Variants in PALLD observed in about 807,000 individuals in gnomAD.
PALLD encodes the protein palladin, cytoskeletal associated protein.
A neutral mutation model predicts 123.5 loss-of-function variants in PALLD; 61 were observed. The ratio of observed to expected loss-of-function variants is 0.49; its 90% CI spans 0.40 to 0.61. The LOEUF (loss-of-function observed/expected upper bound fraction) is 0.61, where lower values mean the gene tolerates loss of function less well. Ranked by LOEUF, PALLD falls within the 20% of genes least tolerant of loss-of-function variation. The pLI, the probability that PALLD is intolerant of heterozygous loss-of-function variation, is 0.00. For missense variants in PALLD, 1,273 were observed against 1,377.0 expected (o/e 0.92, Z 1.20); for synonymous variants, 465 against 496.4 (o/e 0.94, Z 0.84).
In PALLD at chr4:168,538,706, G is replaced by A. The variant is rs80110600; in HGVS notation, c.908+26294G>A. Among the ~76,000 whole-genome samples, 1,454 of 152,146 alleles carry A rather than the reference G, an allele frequency of 9.6e-3. 27 individuals carry two copies. The highest frequency in any genetic ancestry group is 0.033 in the African/African-American group (1,357 of 41,482). ...AATTCCAGACCTTAGGAGAAAAAAC[G>A]TCTCCCAACTCTAAAGTCCCAGGTT... is the stretch of plus-strand genomic sequence containing the variant. On this transcript the variant is annotated intron_variant, in intron 2 of 21. Transcript: ENST00000505667.
At chr4:168,553,083 T>A (rs1049357693) in intron 2 of PALLD, among the ~76,000 whole-genome samples, 20 of 152,158 alleles carry the variant, frequency 1.3e-4, no homozygotes, top group African/African-American at 4.8e-4. Context: ...ATCTCTAGTG[T>A]CATTGGCCCA....
chr4:168,866,003 T>C (rs1750220027), intron 10 of PALLD, among the ~76,000 whole-genome samples: 1 of 151,836 alleles, frequency 6.6e-6, no homozygotes, highest in Non-Finnish European at 1.5e-5. Flanking sequence ...ATTTAGGCCA[T>C]GTGTGGTGGC....
intron 2 of PALLD, among the ~76,000 whole-genome samples, chr4:168,526,773 A>G (rs1324552135): frequency 6.6e-6 from 1 of 152,176 alleles, no homozygotes; most frequent in Non-Finnish European, 1.5e-5. Context: ...CAAATAGAGT[A>G]AGTGGATCTT....
At chr4:168,691,335 C>T in intron 8 of PALLD, 43 bp downstream of exon 8, 1 of 1,525,186 alleles carries the variant, frequency 6.6e-7, no homozygotes, top group Non-Finnish European at 9.1e-7. Flanking sequence ...GGTGGGGGAG[C>T]AGATAATGTA....
intron 2 of PALLD, among the ~76,000 whole-genome samples, chr4:168,519,518 G>GTT (rs11434777): frequency 1.7e-3 from 252 of 151,154 alleles, no homozygotes; most frequent in African/African-American, 5.1e-3. Context: ...TTTTTAAAAT[G>GTT]TTTTTTTTTG....
intron 2 of PALLD, among the ~76,000 whole-genome samples, chr4:168,638,688 T>C (rs779580799): frequency 9.2e-5 from 14 of 152,172 alleles, no homozygotes; most frequent in Non-Finnish European, 1.3e-4. Flanking sequence ...CTTGCTGTGA[T>C]CTCACGTATT....
chr4:168,569,274 C>T (rs916221107), intron 2 of PALLD, among the ~76,000 whole-genome samples: 1 of 152,118 alleles, frequency 6.6e-6, no homozygotes, highest in Admixed American at 6.6e-5. Flanking sequence ...TCCAGCCCGC[C>T]AAGTGACCAA....
chr4:168,787,125 A>G (rs1483851746), intron 10 of PALLD, among the ~76,000 whole-genome samples: 2 of 152,230 alleles, frequency 1.3e-5, no homozygotes, highest in Non-Finnish European at 2.9e-5. Flanking sequence ...ACACCTTGCC[A>G]GGAAGGTTTT....
At chr4:168,923,193 G>C (rs1056032067) in intron 18 of PALLD, among the ~76,000 whole-genome samples, 8 of 152,228 alleles carry the variant, frequency 5.3e-5, no homozygotes, top group African/African-American at 1.9e-4. Flanking sequence ...AGAATACAAA[G>C]TGAGCTTCTG....
chr4:168,614,952 A>G (rs1774080818), intron 2 of PALLD, among the ~76,000 whole-genome samples: 1 of 152,196 alleles, frequency 6.6e-6, no homozygotes, highest in African/African-American at 2.4e-5. Context: ...TGGGTATTTA[A>G]AACACAATGG....
At chr4:168,545,777 T>C (rs1403431909) in intron 2 of PALLD, among the ~76,000 whole-genome samples, 3 of 152,212 alleles carry the variant, frequency 2.0e-5, no homozygotes, top group Non-Finnish European at 4.4e-5. Context: ...AACTGAGTTT[T>C]GTAATTACAT....
At chr4:168,883,088 CAAA>C (rs34847342) in intron 10 of PALLD, among the ~76,000 whole-genome samples, 18 of 124,582 alleles carry the variant, frequency 1.4e-4, no homozygotes, top group East Asian at 2.2e-4. Context: ...AACTCTGTCT[CAAA>C]AAAAAAAAAA....
At chr4:168,633,705 T>A (rs1324555412) in intron 2 of PALLD, among the ~76,000 whole-genome samples, 1 of 152,188 alleles carries the variant, frequency 6.6e-6, no homozygotes, top group Non-Finnish European at 1.5e-5. Context: ...TTTAGACACA[T>A]CCCTCTTGTC....
chr4:168,868,993 G>A (rs546554394), intron 10 of PALLD, among the ~76,000 whole-genome samples: 1 of 152,254 alleles, frequency 6.6e-6, no homozygotes, highest in East Asian at 1.9e-4. Flanking sequence ...ATGGGCACTG[G>A]TACAGGCTGC....
At chr4:168,571,842 T>A (rs1310045518) in intron 2 of PALLD, among the ~76,000 whole-genome samples, 1 of 152,200 alleles carries the variant, frequency 6.6e-6, no homozygotes, top group East Asian at 1.9e-4. Context: ...TGAATAATTC[T>A]ATTGCCTCGA....
At chr4:168,842,790 T>C (rs751652273) in intron 10 of PALLD, among the ~76,000 whole-genome samples, 29 of 152,196 alleles carry the variant, frequency 1.9e-4, no homozygotes, top group Non-Finnish European at 3.2e-4. Context: ...GAGTACTTGG[T>C]AAAAACATTT....
In PALLD at chr4:168,770,134, C is replaced by G. The variant is rs548647139; in HGVS notation, c.1964+58211C>G. Reference sequence around the variant, plus strand: ...CATTCATAGGTCAGGAAAGGCAAACCAATTATAATGATTTCTTTCTATCAC... The same window carrying G: ...CATTCATAGGTCAGGAAAGGCAAACGAATTATAATGATTTCTTTCTATCAC... On this transcript the variant is annotated intron_variant, in intron 10 of 21. Transcript: ENST00000505667. 5.3e-5 allele frequency among the ~76,000 whole-genome samples: 8 copies of G among 152,252 alleles called. No individual in the cohort carries two copies. In the South Asian group the frequency reaches 1.4e-3, roughly 28 times the overall value.
intron 10 of PALLD, among the ~76,000 whole-genome samples, chr4:168,795,710 CTT>C (rs10632080): frequency 0.48 from 69,870 of 144,554 alleles, 16,673 homozygotes; most frequent in East Asian, 0.69. Context: ...CCCTAATTGT[CTT>C]TTTTTTTTTT....
In PALLD at chr4:168,802,919, C is replaced by T. The variant is rs538172371; in HGVS notation, c.1965-88003C>T. On this transcript the variant is annotated intron_variant, in intron 10 of 21. Coordinates refer to ENST00000505667, the MANE Select transcript of PALLD (RefSeq NM_001166108.2). Reference sequence around the variant, plus strand: ...GTTGCTGAGGCTGGTCTCGAACCCCCGACCTCAGGTGATTCACCCACCTTG... The same window carrying T: ...GTTGCTGAGGCTGGTCTCGAACCCCTGACCTCAGGTGATTCACCCACCTTG... Among the ~76,000 whole-genome samples the T allele has an allele frequency of 2.0e-4, 31 of 152,174 alleles. No homozygotes were observed. The South Asian group carries it at 6.0e-3, about 29-fold the overall frequency.
Sources: gnomAD v4.1 joint callset for allele counts (sites outside exome capture counted in the v4.1 genomes callset) on GRCh38, gnomAD v4.1.1 for gene constraint, MANE v1.5 for transcripts, NCBI Gene and HGNC (gene_info 2026-07-23, HGNC 2026-07-21) for gene names.